HDAC9: variants seen among roughly 807,000 people sequenced by gnomAD.
HDAC9 encodes histone deacetylase 9.
A neutral mutation model predicts 139.4 loss-of-function variants in HDAC9; 41 were observed. The ratio of observed to expected loss-of-function variants is 0.29; its 90% CI spans 0.23 to 0.38. HDAC9 has a LOEUF of 0.38. Ranked by LOEUF, HDAC9 falls within the 10% of genes least tolerant of loss-of-function variation. The pLI, the probability that HDAC9 is intolerant of heterozygous loss-of-function variation, is 1.00. For missense variants in HDAC9, 1,147 were observed against 1,297.0 expected, an observed-to-expected ratio of 0.88 and a Z score of 1.78; for synonymous variants, 517 against 476.2, an observed-to-expected ratio of 1.09 and a Z score of -1.12.
intron 1 of HDAC9, among the ~76,000 whole-genome samples, chr7:18,457,699 G>T (rs1315903280): frequency 6.6e-6 from 1 of 152,102 alleles, no homozygotes; most frequent in Non-Finnish European, 1.5e-5. Context: ...TGTTGTTGAG[G>T]CATTAGTGAG....
chr7:18,503,375 G>A (rs551866501), intron 2 of HDAC9, among the ~76,000 whole-genome samples: 68 of 152,256 alleles, frequency 4.5e-4, no homozygotes, highest in African/African-American at 1.6e-3. Context: ...TAAGTTGGTT[G>A]CACAAAACAA....
At chr7:18,838,940 A>G (rs1194535684) in intron 21 of HDAC9, among the ~76,000 whole-genome samples, 1 of 152,142 alleles carries the variant, frequency 6.6e-6, no homozygotes, top group East Asian at 1.9e-4. Flanking sequence ...TTCTATAGCA[A>G]AAAAATCATA....
At chr7:18,711,803 C>G (rs947242769) in intron 12 of HDAC9, among the ~76,000 whole-genome samples, 5 of 152,204 alleles carry the variant, frequency 3.3e-5, no homozygotes, top group Non-Finnish European at 5.9e-5. Flanking sequence ...GTTCTTTCTA[C>G]TTCTTCCTGA....
At chr7:18,841,931 G>T (rs755916003) in intron 21 of HDAC9, among the ~76,000 whole-genome samples, 1 of 151,990 alleles carries the variant, frequency 6.6e-6, no homozygotes, top group African/African-American at 2.4e-5. Context: ...TTTGTTAAAA[G>T]AAATATTCTT....
chr7:18,287,739 T>C (rs1223481923), upstream of HDAC9, among the ~76,000 whole-genome samples: 1 of 152,136 alleles, frequency 6.6e-6, no homozygotes, highest in Non-Finnish European at 1.5e-5. Flanking sequence ...GTTTGAAGGG[T>C]AGTAGTTTGT....
chr7:18,660,285 G>T (rs958345330), intron 11 of HDAC9, among the ~76,000 whole-genome samples: 5 of 152,044 alleles, frequency 3.3e-5, no homozygotes, highest in African/African-American at 1.2e-4. Flanking sequence ...CTCCCTTTCT[G>T]CATTTATATT....
intron 1 of HDAC9, among the ~76,000 whole-genome samples, chr7:18,393,468 T>A (rs948973391): frequency 2.0e-5 from 3 of 152,108 alleles, no homozygotes; most frequent in African/African-American, 7.2e-5. Flanking sequence ...TCTCCTACTA[T>A]TTTTGTTACT....
intron 2 of HDAC9, among the ~76,000 whole-genome samples, chr7:18,584,874 A>G (rs150772959): frequency 6.6e-5 from 10 of 152,358 alleles, no homozygotes; most frequent in South Asian, 2.1e-4. Context: ...TCTTAAGTGT[A>G]CAAATGTAGT....
At chr7:18,627,776 C>G (rs1431883400) in intron 6 of HDAC9, among the ~76,000 whole-genome samples, 1 of 152,184 alleles carries the variant, frequency 6.6e-6, no homozygotes, top group African/African-American at 2.4e-5. Flanking sequence ...CACCTTTTGA[C>G]ACCCTACTTT....
intron 1 of HDAC9, among the ~76,000 whole-genome samples, chr7:18,151,117 C>G (rs190244452): frequency 6.6e-6 from 1 of 152,088 alleles, no homozygotes; most frequent in East Asian, 1.9e-4. Context: ...TATCTCTTCC[C>G]CTATATGACA....
At chr7:18,447,317 T>TTA (rs1792385421) in intron 1 of HDAC9, among the ~76,000 whole-genome samples, 1 of 152,178 alleles carries the variant, frequency 6.6e-6, no homozygotes, top group East Asian at 1.9e-4. Flanking sequence ...ACAGAAACAC[T>TTA]TATATATCGC....
chr7:18,186,526 C>T (rs1187355289), intron 2 of HDAC9, among the ~76,000 whole-genome samples: 1 of 152,198 alleles, frequency 6.6e-6, no homozygotes, highest in Non-Finnish European at 1.5e-5. Context: ...ACTACCAAAT[C>T]TTAGGGAAAA....
intron 17 of HDAC9, among the ~76,000 whole-genome samples, chr7:18,825,716 T>C (rs1157993113): frequency 1.3e-5 from 2 of 148,656 alleles, no homozygotes; most frequent in African/African-American, 4.9e-5. Flanking sequence ...ATATAAATTA[T>C]AAAAAATATA....
Position 18,629,498 on chromosome 7 carries a change from C to A in HDAC9, c.796+17C>A. 1 of 1,605,076 alleles carries A rather than the reference C, an allele frequency of 6.2e-7. No individual in the cohort carries two copies. The highest frequency in any genetic ancestry group is 1.3e-5 in the African/African-American group (1 of 74,306). On this transcript the variant is annotated intron_variant, in intron 7 of 25. Transcript: ENST00000686413. ...AGGTGACAGGTAATTGAGGACTGGG[C>A]AGACCTATGAATGCTGGGAGTAGGA...
intron 22 of HDAC9, among the ~76,000 whole-genome samples, chr7:18,925,760 A>C (rs1804166051): frequency 6.7e-6 from 1 of 149,922 alleles, no homozygotes. Context: ...CACATCTCTC[A>C]CTCCTCACCC....
intron 7 of HDAC9, among the ~76,000 whole-genome samples, chr7:18,631,331 C>G (rs1008330243): frequency 2.6e-5 from 4 of 152,014 alleles, no homozygotes; most frequent in Non-Finnish European, 5.9e-5. Flanking sequence ...AGTGGACTTA[C>G]GGATGCTTTG....
intron 14 of HDAC9, 93 bp from the exon 15 acceptor site, chr7:18,762,064 C>A: frequency 7.6e-7 from 1 of 1,313,684 alleles, no homozygotes; most frequent in Non-Finnish European, 1.1e-6. Context: ...TGAAATTCAG[C>A]CCATTATTAA....
chr7:18,122,518 G>T (rs1436339471), intron 1 of HDAC9, among the ~76,000 whole-genome samples: 1 of 152,106 alleles, frequency 6.6e-6, no homozygotes, highest in African/African-American at 2.4e-5. Context: ...GTCAAGAAAT[G>T]GATATTTTTT....
intron 1 of HDAC9, among the ~76,000 whole-genome samples, chr7:18,139,790 A>G (rs1193968926): frequency 6.6e-6 from 1 of 152,176 alleles, no homozygotes; most frequent in Non-Finnish European, 1.5e-5. Context: ...ACAGAGGGGT[A>G]TTTAATACGT....
Sources: gnomAD v4.1 joint callset for allele counts (sites outside exome capture counted in the v4.1 genomes callset) on GRCh38, gnomAD v4.1.1 for gene constraint, MANE v1.5 for transcripts, NCBI Gene and HGNC (gene_info 2026-07-23, HGNC 2026-07-21) for gene names.